The following IGHMBP2 variants were observed in gnomAD, a reference collection of about 807,000 sequenced individuals.
IGHMBP2 encodes the protein immunoglobulin mu DNA binding protein 2, also known as DNA-binding protein SMUBP-2.
IGHMBP2 carries 81 observed loss-of-function variants against 96.0 expected under a neutral mutation model. The observed-to-expected ratio is 0.84, with a 90% CI of 0.71 to 1.01. The LOEUF (loss-of-function observed/expected upper bound fraction) is 1.01. IGHMBP2 is among the 50% of genes least tolerant of loss of function. IGHMBP2 has a pLI of 0.00. For synonymous variants in IGHMBP2, 557 were observed against 548.9 expected (o/e 1.01, Z -0.21); for missense variants, 1,227 against 1,306.3 (o/e 0.94, Z 0.94).
At position 68,911,502 on chromosome 11, in the gene IGHMBP2, C is replaced by T; in HGVS notation, c.610C>T (p.Leu204=). The part of the protein sequence containing the change: ...TSQKEAVLFA[L]SQKELAIIHG... ...CCAGAAAGAAGCGGTTTTATTTGCG[C>T]TGTCTCAGAAAGAACTTGCCATCAT... The change falls in exon 5 of 15, where the codon CTG becomes TTG. Residue 204 remains leucine (L), a synonymous_variant. Coordinates refer to ENST00000255078, the MANE Select transcript of IGHMBP2 (RefSeq NM_002180.3). 6.2e-7 allele frequency: 1 copy of T among 1,614,130 alleles called. No individual in the cohort carries two copies. The highest frequency in any genetic ancestry group is 2.2e-5 in the East Asian group (1 of 44,872).
intron 7 of IGHMBP2, among the ~76,000 whole-genome samples, chr11:68,919,308 A>C: frequency 6.8e-6 from 1 of 147,688 alleles, no homozygotes. Context: ...CGCCTTCCCT[A>C]TCCCCATCCC....
rs139065967 is a variant in IGHMBP2, at chr11:68,936,394, G to A, written c.1914G>A (p.Thr638=). 69 of 1,614,072 alleles carry A rather than the reference G, an allele frequency of 4.3e-5. No individual in the cohort carries two copies. The African/African-American group carries it at 6.1e-4, about 14-fold the overall frequency. ...TCACACAGCATGGGGAAGTACGCAC[G>A]GCCTTTGAGTATCTTGACGATATTG... is the stretch of plus-strand genomic sequence containing the variant. ...EYFTQHGEVR[T]AFEYLDDIVP... Residue 638 remains threonine (T), a synonymous_variant, in exon 13 of 15, where the codon ACG becomes ACA. Transcript: ENST00000255078.
intron 5 of IGHMBP2, among the ~76,000 whole-genome samples, chr11:68,913,326 G>A (rs1019880015): frequency 6.6e-6 from 1 of 152,138 alleles, no homozygotes; most frequent in African/African-American, 2.4e-5. Context: ...AGACACACCT[G>A]TGTGCACGCT....
chr11:68,907,572 G>A (rs940817806), intron 2 of IGHMBP2, among the ~76,000 whole-genome samples: 3 of 152,164 alleles, frequency 2.0e-5, no homozygotes, highest in African/African-American at 2.4e-5. Flanking sequence ...TGGTGGTGAC[G>A]GAGTTTTAAA....
At chr11:68,934,306 C>T (rs1859437336) in intron 10 of IGHMBP2, 158 bp from the exon 11 acceptor site, 1 of 696,952 alleles carries the variant, frequency 1.4e-6, no homozygotes, top group East Asian at 2.7e-5. Flanking sequence ...ATGGCTGGTC[C>T]TGGGGCCCTG....
intron 7 of IGHMBP2, 55 bp from the exon 8 acceptor site, chr11:68,929,128 C>T (rs576677056): frequency 1.2e-4 from 186 of 1,523,274 alleles, no homozygotes; most frequent in African/African-American, 1.2e-3. Context: ...GGTGTGGCTG[C>T]GCTGTTGGGA....
intron 10 of IGHMBP2, 76 bp from the exon 11 acceptor site, chr11:68,934,388 C>A: frequency 9.8e-7 from 1 of 1,020,818 alleles, no homozygotes; most frequent in Non-Finnish European, 1.5e-6. Flanking sequence ...CAGAAACGTG[C>A]CCGAAACACG....
At position 68,933,307 on chromosome 11, in the gene IGHMBP2, T is replaced by A. The variant is rs1859386941; in HGVS notation, c.1244T>A (p.Leu415Gln). 1 of 1,612,422 alleles carries A rather than the reference T, an allele frequency of 6.2e-7. No individual in the cohort carries two copies. Among genetic ancestry groups the A allele is most frequent in the Non-Finnish European group, 8.5e-7 (1 of 1,179,776 alleles). ...CTCCCTCCTGGGCGCAGGGCTGCGC[T>A]GGCAGGACTGTCACTCAGCCTGATG... Reference protein sequence around the residue: ...PPTTVSHKAALAGLSLSLMER... With the variant: ...PPTTVSHKAAQAGLSLSLMER... Residue 415 changes from leucine (L) to glutamine (Q), a missense_variant, in exon 9 of 15, where the codon CTG (leucine) becomes CAG (glutamine). Coordinates refer to ENST00000255078, the MANE Select transcript of IGHMBP2 (RefSeq NM_002180.3).
At position 68,911,581 on chromosome 11, in the gene IGHMBP2, A is replaced by C; in HGVS notation, c.689A>C (p.Gln230Pro). Residue 230 changes from glutamine (Q) to proline (P), a missense_variant, in exon 5 of 15, where the codon CAA becomes CCA. Transcript: ENST00000255078. ...KTTTVVEIIL[Q>P]AVKQGLKVLC... is the part of the protein sequence containing the mutation. ...ACGACTGTGGTTGAGATCATTCTTCAAGCTGTGAAACAAGGCTTAAAGGTG... is the reference window on the plus strand; with the variant it reads ...ACGACTGTGGTTGAGATCATTCTTCCAGCTGTGAAACAAGGCTTAAAGGTG... 3.7e-6 allele frequency: 6 copies of C among 1,614,178 alleles called. No individual in the cohort carries two copies. The highest frequency in any genetic ancestry group is 4.2e-6 in the Non-Finnish European group (5 of 1,180,038).
At position 68,933,753 on chromosome 11, in the gene IGHMBP2, A is replaced by G. The variant is rs1859409784; in HGVS notation, c.1419-42A>G. ...CTGTTGGGTGGGGCCTCAGTGCTGC[A>G]CTGTGGCCCCCTGATGTGCTCCCTC... On this transcript the variant is annotated intron_variant, in intron 9 of 14. Transcript: ENST00000255078. 4 of 1,495,882 alleles carry G rather than the reference A, an allele frequency of 2.7e-6. No individual in the cohort carries two copies. In the South Asian group the frequency reaches 3.4e-5, roughly 13 times the overall value. 92.7% of individuals were successfully genotyped at this position (1,495,882 alleles called of 1,614,324 possible).
intron 6 of IGHMBP2, among the ~76,000 whole-genome samples, chr11:68,915,645 A>G (rs993950045): frequency 1.3e-5 from 2 of 149,776 alleles, no homozygotes; most frequent in Non-Finnish European, 3.0e-5. Flanking sequence ...ACCACACCCA[A>G]CCAATTTTTT....
chr11:68,929,963 G>GGGCCCCCCCCC, intron 8 of IGHMBP2: 1 of 1,044,846 alleles, frequency 9.6e-7, no homozygotes, highest in Non-Finnish European at 1.2e-6. Flanking sequence ...AGAAAGTGCT[G>GGGCCCCCCCCC]CCCGCCCCCC....
intron 8 of IGHMBP2, chr11:68,929,949 G>A (rs1859214013): frequency 9.2e-7 from 1 of 1,083,832 alleles, no homozygotes; most frequent in Non-Finnish European, 1.1e-6. Flanking sequence ...GGCTGTCTTG[G>A]TGGAGAAAGT....
rs577648936 is a variant in IGHMBP2, at chr11:68,906,700, T to C, written c.256+462T>C. Among the ~76,000 whole-genome samples the C allele has an allele frequency of 9.5e-5, 14 of 146,826 alleles. No homozygotes were observed. The South Asian group carries it at 1.3e-3, about 14-fold the overall frequency. ...TCTTATTGCCCAGTCTGGAGTGCAG[T>C]GGCATGATCTCGGCTCACTGCAACC... On this transcript the variant is annotated intron_variant, in intron 2 of 14. Transcript: ENST00000255078.
intron 14 of IGHMBP2, among the ~76,000 whole-genome samples, chr11:68,939,083 A>G (rs1416388839): frequency 1.3e-5 from 2 of 152,146 alleles, no homozygotes; most frequent in South Asian, 2.1e-4. Context: ...CCCCAGGCCC[A>G]GTCAGAGAGT....
intron 1 of IGHMBP2, among the ~76,000 whole-genome samples, chr11:68,905,004 G>A (rs1002325358): frequency 6.6e-6 from 1 of 152,052 alleles, no homozygotes; most frequent in Admixed American, 6.6e-5. Context: ...CACCATGTTG[G>A]CCAGGATGGT....
chr11:68,912,241 C>T (rs1363927321), intron 5 of IGHMBP2, among the ~76,000 whole-genome samples: 1 of 152,174 alleles, frequency 6.6e-6, no homozygotes, highest in Non-Finnish European at 1.5e-5. Context: ...AAGTGATTCT[C>T]CTACCTCAGC....
chr11:68,904,342 C>T (rs181461933), intron 1 of IGHMBP2, among the ~76,000 whole-genome samples: 1 of 152,296 alleles, frequency 6.6e-6, no homozygotes, highest in East Asian at 1.9e-4. Flanking sequence ...AGCGAGTTAG[C>T]AGCCCTTTCC....
At chr11:68,910,050 T>C (rs1208777184) in intron 4 of IGHMBP2, among the ~76,000 whole-genome samples, 1 of 152,218 alleles carries the variant, frequency 6.6e-6, no homozygotes, top group African/African-American at 2.4e-5. Flanking sequence ...CTTGGCCCAT[T>C]TGTAAAGCGG....
Sources: gnomAD v4.1 joint callset for allele counts (sites outside exome capture counted in the v4.1 genomes callset) on GRCh38, gnomAD v4.1.1 for gene constraint, MANE v1.5 for transcripts, NCBI Gene and HGNC (gene_info 2026-07-23, HGNC 2026-07-21) for gene names.